The following SAA2 variants were observed in gnomAD, a reference collection of about 807,000 sequenced individuals.
SAA2 encodes the protein serum amyloid A2, also known as serum amyloid A-2 protein.
In SAA2, 5 loss-of-function variants were observed where a neutral mutation model predicts 9.1. The observed-to-expected ratio is 0.55, with a 90% CI of 0.29 to 1.16. The LOEUF (loss-of-function observed/expected upper bound fraction) is 1.16, where lower values mean the gene tolerates loss of function less well. SAA2 is among the 50% of genes most tolerant of loss of function. The pLI is 0.09. For missense variants in SAA2, 94 were observed against 153.8 expected, an observed-to-expected ratio of 0.61 and a Z score of 2.06; for synonymous variants, 49 against 59.8, an observed-to-expected ratio of 0.82 and a Z score of 0.83.
downstream of SAA2, among the ~76,000 whole-genome samples, chr11:18,243,362 C>A (rs530034050): frequency 6.6e-6 from 1 of 152,144 alleles, no homozygotes; most frequent in East Asian, 1.9e-4. Flanking sequence ...TCCTGCCCCC[C>A]AAAATCTACA....
intron 2 of SAA2, among the ~76,000 whole-genome samples, chr11:18,246,440 G>C (rs1857540683): frequency 6.6e-6 from 1 of 152,238 alleles, no homozygotes; most frequent in African/African-American, 2.4e-5. Flanking sequence ...GAGCATAAAA[G>C]TCCCTAAACA....
chr11:18,245,828 C>T (rs2134143111), intron 3 of SAA2, 82 bp downstream of exon 3: 1 of 1,497,626 alleles, frequency 6.7e-7, no homozygotes. Context: ...AACTTCTCCA[C>T]AAGGAGCTCG....
At chr11:18,247,441 C>T (rs1857604980) in intron 2 of SAA2, among the ~76,000 whole-genome samples, 1 of 147,630 alleles carries the variant, frequency 6.8e-6, no homozygotes, top group African/African-American at 2.6e-5. Flanking sequence ...CTACTCAAAA[C>T]AAACAGCTCA....
downstream of SAA2, chr11:18,242,699 A>T (rs1470439529): frequency 1.5e-6 from 1 of 674,666 alleles, no homozygotes; most frequent in Non-Finnish European, 2.7e-6. Context: ...TATAAAAATT[A>T]GGCAAGTGTC....
downstream of SAA2, among the ~76,000 whole-genome samples, chr11:18,243,458 G>C (rs74367967): frequency 9.3e-3 from 1,412 of 152,146 alleles, 23 homozygotes; most frequent in African/African-American, 0.032. Context: ...TTTACAACTT[G>C]GGGTCAACTC....
At chr11:18,246,300 G>C (rs754217982) in intron 2 of SAA2, among the ~76,000 whole-genome samples, 1 of 152,184 alleles carries the variant, frequency 6.6e-6, no homozygotes, top group Non-Finnish European at 1.5e-5. Flanking sequence ...GTATATGAAT[G>C]AGGTGGTGAC....
chr11:18,238,913 A>T (rs981542875), downstream of SAA2, among the ~76,000 whole-genome samples: 3 of 151,914 alleles, frequency 2.0e-5, no homozygotes, highest in Non-Finnish European at 4.4e-5. Context: ...AAGTGAGAAC[A>T]TGTGATGTTT....
downstream of SAA2, among the ~76,000 whole-genome samples, chr11:18,240,578 C>CAT (rs1246780234): frequency 5.3e-5 from 8 of 152,114 alleles, no homozygotes; most frequent in Non-Finnish European, 1.5e-5. Context: ...AAACCCCATA[C>CAT]ATATAACCAA....
downstream of SAA2, among the ~76,000 whole-genome samples, chr11:18,239,068 T>G (rs1590009432): frequency 6.6e-6 from 1 of 152,322 alleles, no homozygotes; most frequent in African/African-American, 2.4e-5. Context: ...ATTTTCCTTA[T>G]TTGTTTATAA....
intron 2 of SAA2, among the ~76,000 whole-genome samples, chr11:18,247,067 G>A (rs1315242761): frequency 6.6e-6 from 1 of 152,282 alleles, no homozygotes; most frequent in Non-Finnish European, 1.5e-5. Flanking sequence ...CTGACTGGCA[G>A]TAAGTCCCTG....
intron 3 of SAA2, 123 bp from the exon 4 acceptor site, chr11:18,245,638 A>G (rs1857488404): frequency 1.1e-5 from 15 of 1,421,208 alleles, no homozygotes; most frequent in Middle Eastern, 1.8e-4. Context: ...AGGAAGGAGG[A>G]GTGAAAACAC....
Position 18,245,331 on chromosome 11 carries a change from G to A in SAA2, c.*46C>T, listed in dbSNP as rs781058652. The A allele has an allele frequency of 4.9e-5, 79 of 1,610,982 alleles. No individual in the cohort carries two copies. The highest frequency in any genetic ancestry group is 1.5e-4 in the African/African-American group (11 of 74,840). ...CTCACTAACTTTGTATCCCTGCCCC[G>A]AGGGCCTCATAGCCAGGTCTCCTGA... On this transcript the variant is annotated 3_prime_UTR_variant, in exon 4 of 4. Transcript: ENST00000256733.
chr11:18,246,523 T>C (rs1432804703), intron 2 of SAA2, among the ~76,000 whole-genome samples: 1 of 152,192 alleles, frequency 6.6e-6, no homozygotes, highest in Non-Finnish European at 1.5e-5. Context: ...CCGCCGTGGT[T>C]GCACTTTCTT....
downstream of SAA2, among the ~76,000 whole-genome samples, chr11:18,241,107 AC>A (rs1857332464): frequency 6.6e-6 from 1 of 152,224 alleles, no homozygotes. Flanking sequence ...CAAAATATGA[AC>A]AAATGCTCAA....
chr11:18,241,201 C>A (rs1857336065), downstream of SAA2, among the ~76,000 whole-genome samples: 1 of 152,044 alleles, frequency 6.6e-6, no homozygotes, highest in South Asian at 2.1e-4. Flanking sequence ...CTCACACAAT[C>A]AGAATGGCTA....
intron 3 of SAA2, 50 bp downstream of exon 3, chr11:18,245,860 G>A (rs1331194798): frequency 7.5e-6 from 12 of 1,610,256 alleles, no homozygotes; most frequent in Non-Finnish European, 8.5e-6. Context: ...ACTGTCCAAG[G>A]CAGGCAAGCT....
chr11:18,240,146 G>T, intron 3 of SAA2: 8 of 823,252 alleles, frequency 9.7e-6, no homozygotes, highest in Non-Finnish European at 1.4e-5. Context: ...AGTCATAAAT[G>T]ATTATTAGGA....
chr11:18,246,140 C>T (rs1857526045), intron 2 of SAA2, 92 bp from the exon 3 acceptor site: 1 of 1,491,188 alleles, frequency 6.7e-7, no homozygotes, highest in Non-Finnish European at 9.1e-7. Flanking sequence ...ACAAATCTTC[C>T]ACTGACTTCA....
intron 2 of SAA2, among the ~76,000 whole-genome samples, chr11:18,246,546 T>G (rs1208833734): frequency 2.6e-5 from 4 of 152,166 alleles, no homozygotes; most frequent in African/African-American, 9.7e-5. Flanking sequence ...TCTTTTTTAT[T>G]TTTTTAGACG....
Sources: allele counts gnomAD v4.1 joint callset (sites outside exome capture counted in the v4.1 genomes callset), GRCh38; gene constraint gnomAD v4.1.1; transcripts MANE v1.5; gene names NCBI Gene and HGNC (gene_info 2026-07-23, HGNC 2026-07-21).